Variants in SBF2 observed in about 807,000 individuals in gnomAD.
The protein encoded by SBF2 is myotubularin-related protein 13.
Under a neutral mutation model 225.2 loss-of-function variants are expected in SBF2, and 112 were observed. The observed-to-expected ratio is 0.50, with a 90% CI of 0.43 to 0.58. SBF2 has a LOEUF of 0.58. Among genes scored for constraint, SBF2 ranks in the 20% least tolerant of loss-of-function variants. SBF2 has a pLI of 0.00. For synonymous variants in SBF2, 763 were observed against 773.3 expected, an observed-to-expected ratio of 0.99 and a Z score of 0.22; for missense variants, 1,996 against 2,206.2, an observed-to-expected ratio of 0.90 and a Z score of 1.91.
chr11:10,028,197 A>G (rs1489425863), intron 6 of SBF2, among the ~76,000 whole-genome samples: 2 of 152,098 alleles, frequency 1.3e-5, no homozygotes, highest in Non-Finnish European at 2.9e-5. Flanking sequence ...TACAGGCATG[A>G]GCTACCACAC....
intron 1 of SBF2, among the ~76,000 whole-genome samples, chr11:10,225,391 G>A (rs1958500341): frequency 6.6e-6 from 1 of 151,218 alleles, no homozygotes; most frequent in African/African-American, 2.4e-5. Context: ...GCAGCATTTT[G>A]AAAACCCAAT....
chr11:9,805,760 C>T (rs192204321), intron 32 of SBF2, among the ~76,000 whole-genome samples: 56 of 152,234 alleles, frequency 3.7e-4, no homozygotes, highest in East Asian at 2.1e-3. Flanking sequence ...GTAGCTGGGA[C>T]TACAGGCGTG....
chr11:9,926,750 G>T (rs1168196456), intron 16 of SBF2, among the ~76,000 whole-genome samples: 1 of 152,118 alleles, frequency 6.6e-6, no homozygotes, highest in Non-Finnish European at 1.5e-5. Context: ...TAATAAGGCG[G>T]TATTTAGTGA....
At chr11:9,982,124 T>C (rs1455153521) in intron 13 of SBF2, among the ~76,000 whole-genome samples, 2 of 152,242 alleles carry the variant, frequency 1.3e-5, no homozygotes, top group African/African-American at 2.4e-5. Context: ...CCATGGAATA[T>C]TTTCATCCTT....
chr11:9,860,261 G>GTTTTT (rs66485704), intron 17 of SBF2, among the ~76,000 whole-genome samples: 5 of 127,410 alleles, frequency 3.9e-5, no homozygotes, highest in Admixed American at 1.7e-4. Context: ...TTTTGAAACA[G>GTTTTT]TTTTTTTTTT....
Position 9,808,936 on chromosome 11 carries a change from C to G in SBF2, c.4222G>C (p.Val1408Leu). 1 of 1,614,026 alleles carries G rather than the reference C, an allele frequency of 6.2e-7. No individual in the cohort carries two copies. Among genetic ancestry groups the G allele is most frequent in the South Asian group, 1.1e-5 (1 of 91,082 alleles). ...EVLENGSSVLVCLEEGWDITA... is the reference protein window; with the variant it reads ...EVLENGSSVLLCLEEGWDITA... The stretch of plus-strand genomic sequence containing the variant: ...ATGTCCCAGCCTTCCTCCAAACAGA[C>G]CAAAACTGAGGAACCATTCTCAAGT... Residue 1408 changes from valine (V) to leucine (L), a missense_variant, in exon 31 of 40, where the codon GTC becomes CTC. Transcript: ENST00000256190.
chr11:9,932,018 A>T (rs867054587), intron 16 of SBF2, among the ~76,000 whole-genome samples: 3 of 121,438 alleles, frequency 2.5e-5, no homozygotes, highest in Admixed American at 2.3e-4. Flanking sequence ...ATCAACTGGA[A>T]GAAAGGGTAT....
At chr11:9,917,327 T>TTTTTTG (rs1304811218) in intron 16 of SBF2, among the ~76,000 whole-genome samples, 2 of 151,562 alleles carry the variant, frequency 1.3e-5, no homozygotes, top group East Asian at 1.9e-4. Flanking sequence ...CATTACAAGT[T>TTTTTTG]TTTTTGTTTT....
chr11:9,809,735 G>A (rs999576313), intron 30 of SBF2, among the ~76,000 whole-genome samples: 26 of 151,788 alleles, frequency 1.7e-4, no homozygotes, highest in Non-Finnish European at 3.4e-4. Flanking sequence ...TAGTAGAGAC[G>A]AGGTTTCACC....
chr11:10,279,202 AGGAGTT>A (rs1963218240), intron 1 of SBF2, among the ~76,000 whole-genome samples: 1 of 150,686 alleles, frequency 6.6e-6, no homozygotes, highest in Non-Finnish European at 1.5e-5. Flanking sequence ...ACCTGATGTC[AGGAGTT>A]TAAGACCAAC....
Position 9,785,273 on chromosome 11 carries a change from G to C in SBF2, c.5083C>G (p.Leu1695Val), listed in dbSNP as rs768734179. 1 of 1,614,214 alleles carries C rather than the reference G, an allele frequency of 6.2e-7. No homozygotes were observed. Residue 1695 changes from leucine (L) to valine (V), a missense_variant, in exon 37 of 40, where the codon CTA (leucine) becomes GTA (valine). Coordinates refer to ENST00000256190, the MANE Select transcript of SBF2 (RefSeq NM_030962.4). ...SRSPGIVSTN[L>V]PSYQKRSLLH... ...AGAGACCTCTTCTGATAGGAAGGTA[G>C]GTTGGTAGACACAATTCCTGGGGAT... is the stretch of plus-strand genomic sequence containing the variant.
chr11:10,172,841 A>C (rs1470956416), intron 2 of SBF2, among the ~76,000 whole-genome samples: 1 of 151,724 alleles, frequency 6.6e-6, no homozygotes, highest in Non-Finnish European at 1.5e-5. Flanking sequence ...TAATTTTTAT[A>C]TTTTTTAGTA....
At chr11:10,029,242 ATTC>A (rs1462653767) in intron 5 of SBF2, among the ~76,000 whole-genome samples, 2 of 152,182 alleles carry the variant, frequency 1.3e-5, no homozygotes, top group African/African-American at 4.8e-5. Context: ...AGCAGCAGAG[ATTC>A]TTATTTTTCT....
intron 17 of SBF2, among the ~76,000 whole-genome samples, chr11:9,879,764 T>C (rs1164351503): frequency 6.6e-6 from 1 of 152,098 alleles, no homozygotes; most frequent in Non-Finnish European, 1.5e-5. Context: ...AGAATAAAAG[T>C]TCAGACAGTT....
At chr11:9,954,339 C>T (rs940599313) in intron 16 of SBF2, among the ~76,000 whole-genome samples, 3 of 152,102 alleles carry the variant, frequency 2.0e-5, no homozygotes, top group Non-Finnish European at 4.4e-5. Context: ...GGCCACTCTG[C>T]CTTGAAACTC....
Position 10,193,956 on chromosome 11 carries a change from C to G in SBF2, c.87G>C (p.Gln29His), listed in dbSNP as rs751336040. The G allele has an allele frequency of 2.7e-5, 43 of 1,612,808 alleles. No individual in the cohort carries two copies. The highest frequency in any genetic ancestry group is 3.5e-5 in the Non-Finnish European group (41 of 1,178,994). Residue 29 changes from glutamine (Q) to histidine (H), a missense_variant, in exon 2 of 40, where the codon CAG becomes CAC. Gln to His is a conservative substitution (Grantham distance 24, BLOSUM62 0). Coordinates refer to ENST00000256190, the MANE Select transcript of SBF2 (RefSeq NM_030962.4). ...GSGEGLGKII[Q>H]RFPQKDWDDT... ...CATCCCAGTCCTTCTGTGGAAATCT[C>G]TGGATTATTTTCCCCAGACCTTCTC...
In SBF2 at chr11:10,003,317, C is replaced by T. The variant is rs1348558367; in HGVS notation, c.620-628G>A. ...CTTATTGTAATTATTGAGATATACACTATATATAGAGATAAATGTGGTATC... is the reference window on the plus strand; with the variant it reads ...CTTATTGTAATTATTGAGATATACATTATATATAGAGATAAATGTGGTATC... On this transcript the variant is annotated intron_variant, in intron 6 of 39. Coordinates refer to ENST00000256190, the MANE Select transcript of SBF2 (RefSeq NM_030962.4). Among the ~76,000 whole-genome samples, 3 of 151,966 alleles carry T rather than the reference C, an allele frequency of 2.0e-5. No individual in the cohort carries two copies. In the South Asian group the frequency reaches 6.2e-4, roughly 31 times the overall value.
intron 16 of SBF2, chr11:9,958,244 G>A (rs144521699): frequency 6.6e-6 from 1 of 152,220 alleles, no homozygotes; most frequent in African/African-American, 2.4e-5. Context: ...GGAAAGAAAA[G>A]GAGGGTAAAG....
rs187772508 is a variant in SBF2, at chr11:10,279,782, T to C, written c.55+14233A>G. Among the ~76,000 whole-genome samples, 619 of 152,276 alleles carry C rather than the reference T, an allele frequency of 4.1e-3. 3 individuals are homozygous for C. The highest frequency in any genetic ancestry group is 0.027 in the Middle Eastern group (8 of 294). ...CTACTGCCTCAGCCTCCTGAGTAGC[T>C]GGAATTACAGGCACGCACCACCACG... On this transcript the variant is annotated intron_variant, in intron 1 of 39. Transcript: ENST00000256190.
Sources: allele counts gnomAD v4.1 joint callset (sites outside exome capture counted in the v4.1 genomes callset), GRCh38; gene constraint gnomAD v4.1.1; transcripts MANE v1.5; gene names NCBI Gene and HGNC (gene_info 2026-07-23, HGNC 2026-07-21).